Variants in POLG observed in about 807,000 individuals in gnomAD.
POLG encodes DNA polymerase gamma, catalytic subunit.
Under a neutral mutation model 155.4 loss-of-function variants are expected in POLG, and 110 were observed. The ratio of observed to expected loss-of-function variants is 0.71; its 90% CI spans 0.61 to 0.83. The LOEUF (loss-of-function observed/expected upper bound fraction) is 0.83, where lower values mean the gene tolerates loss of function less well. POLG is among the 40% of genes least tolerant of loss of function. The pLI, the probability that POLG is intolerant of heterozygous loss-of-function variation, is 0.00. For missense variants in POLG, 1,685 were observed against 1,627.5 expected, an observed-to-expected ratio of 1.04 and a Z score of -0.61; for synonymous variants, 701 against 631.5, an observed-to-expected ratio of 1.11 and a Z score of -1.65.
intron 10 of POLG, among the ~76,000 whole-genome samples, chr15:89,325,236 G>C (rs554459519): frequency 2.1e-5 from 2 of 97,476 alleles, no homozygotes; most frequent in South Asian, 6.0e-4. Context: ...GTGAGTGAGA[G>C]AGTGAGTGAG....
intron 3 of POLG, 58 bp downstream of exon 3, chr15:89,330,023 G>A: frequency 7.0e-7 from 1 of 1,433,360 alleles, no homozygotes; most frequent in Non-Finnish European, 9.8e-7. Flanking sequence ...TAACCACTGA[G>A]ATTAGGGCTC....
rs1402610314 is a variant in POLG, at chr15:89,325,195, AGAGTGAGT to A, written c.1949+247_1949+254del. On this transcript the variant is annotated intron_variant, in intron 10 of 22. Coordinates refer to ENST00000268124, the MANE Select transcript of POLG (RefSeq NM_002693.3). ...GAGAGTGAGAGAGTGAGTGAGTGAG[AGAGTGAGT>A]GAGAGAGTGAGTGAGTGAGAGAGTG... 8.1e-5 allele frequency among the ~76,000 whole-genome samples: 4 copies of A among 49,166 alleles called. 1 individual carries two copies. Among genetic ancestry groups the A allele is most frequent in the African/African-American group, 5.6e-4 (3 of 5,324 alleles). 32.3% of individuals were successfully genotyped at this position (49,166 alleles called of 152,430 possible). A position where few individuals can be genotyped will look rare whatever the true frequency, so the allele number is the denominator to read the frequency against.
chr15:89,317,301 T>A (rs986944201), intron 22 of POLG, 75 bp downstream of exon 22: 2 of 1,496,948 alleles, frequency 1.3e-6, no homozygotes, highest in African/African-American at 2.7e-5. Flanking sequence ...GCCCCAAGTT[T>A]CCTGTTCTCC....
rs769062935 is a variant in POLG, at chr15:89,327,369, A to G, written c.1251-20T>C. 69 of 1,609,952 alleles carry G rather than the reference A, an allele frequency of 4.3e-5. 1 individual carries two copies. In the South Asian group the frequency reaches 7.4e-4, roughly 17 times the overall value. Reference sequence around the variant, plus strand: ...GGACACCTTGGAGGCAAACACCAGGAGCTGCCATAAATGACCACAGGAGGC... The same window carrying G: ...GGACACCTTGGAGGCAAACACCAGGGGCTGCCATAAATGACCACAGGAGGC... On this transcript the variant is annotated intron_variant, in intron 6 of 22. Transcript: ENST00000268124.
chr15:89,318,462 C>T (rs1033170363), intron 21 of POLG, 79 bp downstream of exon 21: 2 of 1,153,682 alleles, frequency 1.7e-6, no homozygotes, highest in African/African-American at 1.5e-5. Flanking sequence ...CAAAACTGAC[C>T]AGTCTGGCCC....
chr15:89,326,936 G>A lies in POLG; in HGVS notation c.1561C>T (p.Pro521Ser), dbSNP rs775184544. 1.8e-5 allele frequency: 29 copies of A among 1,614,128 alleles called. No individual in the cohort carries two copies. Among genetic ancestry groups the A allele is most frequent in the South Asian group, 1.1e-4 (10 of 91,076 alleles). Residue 521 changes from proline to serine, a missense_variant, in exon 8 of 23, where the codon CCT becomes TCT. Around this residue, in one of 3 missense-constraint regions of POLG, gnomAD observed 1,210 missense variants for 1,167.1 expected, o/e 1.04. Coordinates refer to ENST00000268124, the MANE Select transcript of POLG (RefSeq NM_002693.3). ...SKLPIEGAGA[P>S]GDPMDQEDLG... is the part of the protein sequence containing the mutation. ...CCTTCCTGATCCATGGGATCACCAG[G>A]GGCCCCAGCCCCCTCGATGGGCAAC...
Position 89,327,317 on chromosome 15 carries a change from A to G in POLG, c.1283T>C (p.Leu428Pro), listed in dbSNP as rs774610098. The G allele has an allele frequency of 3.1e-6, 5 of 1,613,872 alleles. No individual in the cohort carries two copies. Among genetic ancestry groups the G allele is most frequent in the Non-Finnish European group, 2.5e-6 (3 of 1,180,046 alleles). Residue 428 changes from leucine to proline, a missense_variant, in exon 7 of 23, where the codon CTG becomes CCG. Leu to Pro is a moderately conservative substitution (Grantham distance 98). Transcript: ENST00000268124. ...CPHPVTLAGMLEMGVSYLPVN... is the reference protein window; with the variant it reads ...CPHPVTLAGMPEMGVSYLPVN... ...AGGCAGGTAGGAGACACCCATCTCC[A>G]GCATGCCGGCCAGAGTCACTGGGTG...
rs1463500572 is a variant in POLG, at chr15:89,325,083, A to AGT, written c.1949+366_1949+367insAC. ...GAGTGAGTGAGTGAGTGAGTGAGTG[A>AGT]GAGAGTGAGTGAGTGAGAGAGTGAG... On this transcript the variant is annotated intron_variant, in intron 10 of 22. Coordinates refer to ENST00000268124, the MANE Select transcript of POLG (RefSeq NM_002693.3). 1.4e-4 allele frequency among the ~76,000 whole-genome samples: 13 copies of AGT among 91,220 alleles called. 2 individuals carry two copies. Among genetic ancestry groups the AGT allele is most frequent in the African/African-American group, 6.3e-4 (11 of 17,498 alleles). The allele number at this position is 91,220 out of a possible 152,430, so 59.8% of individuals were successfully genotyped here.
rs771719248 is a variant in POLG, at chr15:89,318,740, T to C, written c.3283A>G (p.Ser1095Gly). 1.2e-6 allele frequency: 2 copies of C among 1,614,030 alleles called. No homozygotes were observed. Among genetic ancestry groups the C allele is most frequent in the South Asian group, 1.1e-5 (1 of 91,086 alleles). The change falls in exon 21 of 23, where the codon AGC becomes GGC. Residue 1095 changes from serine (S) to glycine (G), a missense_variant. Ser to Gly is a moderately conservative substitution (Grantham distance 56). Coordinates refer to ENST00000268124, the MANE Select transcript of POLG (RefSeq NM_002693.3). Reference protein sequence around the residue: ...PSAVQEEFMTSRVNWVVQSSA... With the variant: ...PSAVQEEFMTGRVNWVVQSSA... ...CTCTGTACCACCCAATTCACACGGC[T>C]GGTCATAAACTGGGAAGGGAAGGTG...
intron 2 of POLG, among the ~76,000 whole-genome samples, chr15:89,332,809 C>G (rs894822843): frequency 6.6e-6 from 1 of 152,144 alleles, no homozygotes; most frequent in Admixed American, 6.5e-5. Context: ...GGCACCAAAT[C>G]ACCGTGATCT....
chr15:89,331,690 T>C (rs2055595986), intron 2 of POLG, among the ~76,000 whole-genome samples: 1 of 152,170 alleles, frequency 6.6e-6, no homozygotes, highest in African/African-American at 2.4e-5. Context: ...TGTGGGCTGG[T>C]CAGGTACCTA....
In POLG at chr15:89,318,644, C is replaced by T; in HGVS notation, c.3379G>A (p.Gly1127Arg). Residue 1127 changes from glycine to arginine, a missense_variant, in exon 21 of 23, where the codon GGG becomes AGG. Physicochemically the swap from Gly to Arg is moderately radical, Grantham distance 125 (BLOSUM62 -2). Around this residue, in one of 3 missense-constraint regions of POLG, gnomAD observed 470 missense variants for 439.9 expected, o/e 1.07. Transcript: ENST00000268124. The part of the protein sequence containing the change: ...KWLFEEFAID[G>R]RFCISIHDEV... ...TCATGGATGCTGATGCAGAAGCGCC[C>T]ATCTATGGCAAACTCTTCAAACAGC... The T allele has an allele frequency of 6.2e-7, 1 of 1,614,198 alleles. No homozygotes were observed. Among genetic ancestry groups the T allele is most frequent in the Non-Finnish European group, 8.5e-7 (1 of 1,180,018 alleles).
rs3176190 is a variant in POLG, at chr15:89,325,718, G to C, written c.1713-32C>G. On this transcript the variant is annotated intron_variant, in intron 9 of 22. Transcript: ENST00000268124. Reference sequence around the variant, plus strand: ...CCCAGCAGGAAGACAGCAGTGTCACGATGGTAAGGGCAGTTGTTGGGGGGA... The same window carrying C: ...CCCAGCAGGAAGACAGCAGTGTCACCATGGTAAGGGCAGTTGTTGGGGGGA... 7 of 1,485,388 alleles carry C rather than the reference G, an allele frequency of 4.7e-6. No individual in the cohort carries two copies. In the African/African-American group the frequency reaches 5.5e-5, roughly 12 times the overall value. 92.0% of individuals were successfully genotyped at this position (1,485,388 alleles called of 1,614,324 possible).
In POLG at chr15:89,333,591, T is replaced by G. The variant is rs1223764065; in HGVS notation, c.164A>C (p.Gln55Pro). The change falls in exon 2 of 23, where the codon CAG (glutamine) becomes CCG (proline). Residue 55 changes from glutamine to proline, a missense_variant. Transcript: ENST00000268124. ...QQQQQQQQQQQPQQPQVLSSE... is the reference protein window; with the variant it reads ...QQQQQQQQQQPPQQPQVLSSE... ...GGATAGCACTTGCGGCTGCTGAGGC[T>G]GCTGTTGCTGCTGCTGCTGCTGCTG... is the stretch of plus-strand genomic sequence containing the variant. 6.2e-7 allele frequency: 1 copy of G among 1,605,676 alleles called. No individual in the cohort carries two copies. The highest frequency in any genetic ancestry group is 8.5e-7 in the Non-Finnish European group (1 of 1,177,850).
At position 89,320,789 on chromosome 15, in the gene POLG, G is replaced by A. The variant is rs2307431; in HGVS notation, c.2958C>T (p.Tyr986=). Residue 986 remains tyrosine (Y), a synonymous_variant, in exon 18 of 23, where the codon TAC becomes TAT. Transcript: ENST00000268124. The part of the protein sequence containing the change: ...QEAAEKAQQM[Y]AATKGLRWYR... ...ACCAGCGGAGGCCCTTGGTGGCAGC[G>A]TACATCTGCTGGGCCTTCTCAGCTG... is the stretch of plus-strand genomic sequence containing the variant. The A allele has an allele frequency of 5.6e-3, 9,091 of 1,613,524 alleles. 357 individuals are homozygous for A. The African/African-American group carries it at 0.092, about 16-fold the overall frequency.
In POLG at chr15:89,321,032, GA is replaced by G. The variant is rs746427222; in HGVS notation, c.2735-21del. The G allele has an allele frequency of 6.2e-7, 1 of 1,614,140 alleles. No individual in the cohort carries two copies. Among genetic ancestry groups the G allele is most frequent in the Non-Finnish European group, 8.5e-7 (1 of 1,180,044 alleles). On this transcript the variant is annotated intron_variant, in intron 17 of 22. Coordinates refer to ENST00000268124, the MANE Select transcript of POLG (RefSeq NM_002693.3). The stretch of plus-strand genomic sequence containing the variant: ...TGCAGCCTGGAAGACAAGCAGGAGT[GA>G]GAAAAGCAGCTCAGGAACATTCTGC...
intron 10 of POLG, among the ~76,000 whole-genome samples, chr15:89,325,111 A>AGAGAGT (rs2055470531): frequency 1.1e-4 from 4 of 36,946 alleles, no homozygotes; most frequent in African/African-American, 8.5e-4. Context: ...AGAGTGAGAG[A>AGAGAGT]GAGTGAGTGA....
rs2055431618 is a variant in POLG, at chr15:89,323,744, A to ACTAGGTGGG, written c.2157+62_2157+70dup. ...ACCTAGGGAACTCTGGCTGGGAAGAACTAGGTGGGCAAGAGGAAGCCCTTT... is the reference window on the plus strand; with the variant it reads ...ACCTAGGGAACTCTGGCTGGGAAGAACTAGGTGGGCTAGGTGGGCAAGAGGAAGCCCTTT... On this transcript the variant is annotated intron_variant, in intron 12 of 22. Coordinates refer to ENST00000268124, the MANE Select transcript of POLG (RefSeq NM_002693.3). The ACTAGGTGGG allele has an allele frequency of 1.5e-4, 192 of 1,258,998 alleles. 3 individuals are homozygous for ACTAGGTGGG. The South Asian group carries it at 2.2e-3, about 14-fold the overall frequency. The allele number at this position is 1,258,998 out of a possible 1,614,324, so 78.0% of individuals were successfully genotyped here.
rs540638961 is a variant in POLG at position 89,318,720 on chromosome 15, T to A, written c.3303A>T (p.Val1101=). 6 of 1,614,054 alleles carry A rather than the reference T, an allele frequency of 3.7e-6. No homozygotes were observed. Among genetic ancestry groups the A allele is most frequent in the Non-Finnish European group, 5.1e-6 (6 of 1,179,926 alleles). The stretch of plus-strand genomic sequence containing the variant: ...GTAAGTAGTCAACAGCAGAGCTCTG[T>A]ACCACCCAATTCACACGGCTGGTCA... ...EFMTSRVNWV[V]QSSAVDYLHL... The change falls in exon 21 of 23, where the codon GTA becomes GTT. Residue 1101 remains valine, a synonymous_variant. Transcript: ENST00000268124.
Sources: gnomAD v4.1 joint callset for allele counts (sites outside exome capture counted in the v4.1 genomes callset) on GRCh38, gnomAD v4.1.1 for gene constraint, gnomAD v4.1.1 regional missense constraint, MANE v1.5 for transcripts, NCBI Gene and HGNC (gene_info 2026-07-23, HGNC 2026-07-21) for gene names.